Variants in KCTD2 observed in about 807,000 individuals in gnomAD.
KCTD2 encodes the protein BTB/POZ domain-containing protein KCTD2.
Under a neutral mutation model 27.9 loss-of-function variants are expected in KCTD2, and 18 were observed. That is an observed-to-expected ratio of 0.64 (90% CI 0.45 to 0.96). The LOEUF (loss-of-function observed/expected upper bound fraction) is 0.96. Among genes scored for constraint, KCTD2 ranks in the 40% least tolerant of loss-of-function variants. The pLI, the probability that KCTD2 is intolerant of heterozygous loss-of-function variation, is 0.00. For synonymous variants in KCTD2, 175 were observed against 148.4 expected, an observed-to-expected ratio of 1.18 and a Z score of -1.30; for missense variants, 280 against 348.0, an observed-to-expected ratio of 0.80 and a Z score of 1.56.
chr17:75,055,815 G>A (rs8065776), intron 3 of KCTD2, among the ~76,000 whole-genome samples: 88,543 of 149,194 alleles, frequency 0.59, 27,862 homozygotes, highest in African/African-American at 0.8. Flanking sequence ...CTGGGCAACA[G>A]GAGCGAAACT....
At chr17:75,056,283 T>C (rs568981342) in intron 3 of KCTD2, among the ~76,000 whole-genome samples, 1 of 152,362 alleles carries the variant, frequency 6.6e-6, no homozygotes, top group South Asian at 2.1e-4. Context: ...CTTTGCTATC[T>C]TACCTTTACG....
chr17:75,047,435 C>T lies in KCTD2; in HGVS notation c.185C>T (p.Pro62Leu), dbSNP rs754722394. ...CCGCTGGAGCCGGGTCCCGGACCAC[C>T]CGAGCGGGCAGGGGGCGGCGGCGCG... ...AQPLEPGPGP[P>L]ERAGGGGAAR... is the part of the protein sequence containing the mutation. The change falls in exon 1 of 6, where the codon CCC (proline) becomes CTC (leucine). Residue 62 changes from proline to leucine, a missense_variant. By Grantham distance (98) the Pro-to-Leu change is moderately conservative. Coordinates refer to ENST00000322444, the MANE Select transcript of KCTD2 (RefSeq NM_015353.3). The T allele has an allele frequency of 1.4e-6, 2 of 1,457,034 alleles. No individual in the cohort carries two copies. The highest frequency in any genetic ancestry group is 2.7e-5 in the South Asian group (2 of 74,674). 90.3% of individuals were successfully genotyped at this position (1,457,034 alleles called of 1,614,324 possible). A position where few individuals can be genotyped will look rare whatever the true frequency, so the allele number is the denominator to read the frequency against.
At position 75,047,666 on chromosome 17, in the gene KCTD2, G is replaced by C. The variant is rs938382322; in HGVS notation, c.339+77G>C. On this transcript the variant is annotated intron_variant, in intron 1 of 5. Transcript: ENST00000322444. The stretch of plus-strand genomic sequence containing the variant: ...CGTAGATCGGTCCCCAGAGTCCTGA[G>C]ACACGCTCCTCACAGGCAGCCCCCT... 3 of 1,453,936 alleles carry C rather than the reference G, an allele frequency of 2.1e-6. No individual in the cohort carries two copies. In the African/African-American group the frequency reaches 4.4e-5, roughly 21 times the overall value. The allele number at this position is 1,453,936 out of a possible 1,614,324, so 90.1% of individuals were successfully genotyped here.
intron 3 of KCTD2, among the ~76,000 whole-genome samples, chr17:75,038,258 C>T (rs2073122589): frequency 6.6e-6 from 1 of 151,846 alleles, no homozygotes; most frequent in African/African-American, 2.4e-5. Flanking sequence ...CCTCAGCCTC[C>T]CAAGTAGCTG....
chr17:75,051,206 C>T (rs1449537998), intron 2 of KCTD2, among the ~76,000 whole-genome samples: 1 of 151,068 alleles, frequency 6.6e-6, no homozygotes, highest in Admixed American at 6.6e-5. Flanking sequence ...TCTCGATCTC[C>T]TGACCTTGTG....
intron 3 of KCTD2, chr17:75,035,364 A>T (rs2040106583): frequency 6.6e-6 from 1 of 152,090 alleles, no homozygotes; most frequent in Non-Finnish European, 1.5e-5. Flanking sequence ...CAGGGTAAGT[A>T]GGGCCCCATT....
At chr17:75,039,208 C>T in intron 3 of KCTD2, 1 of 1,614,004 alleles carries the variant, frequency 6.2e-7, no homozygotes, top group South Asian at 1.1e-5. Flanking sequence ...ATCATCCTTA[C>T]CTCTTTCTCA....
intron 1 of KCTD2, chr17:75,033,079 C>T (rs1300625905): frequency 6.6e-6 from 1 of 152,178 alleles, no homozygotes; most frequent in East Asian, 1.9e-4. Flanking sequence ...GGCTGAACTT[C>T]TTCTGTTAAA....
chr17:75,061,084 A>G (rs957729495), intron 4 of KCTD2, among the ~76,000 whole-genome samples: 1 of 152,242 alleles, frequency 6.6e-6, no homozygotes, highest in Non-Finnish European at 1.5e-5. Flanking sequence ...TTGTGAAACT[A>G]AAATGAATAA....
At position 75,064,706 on chromosome 17, in the gene KCTD2, A is replaced by T. The variant is rs185527268; in HGVS notation, c.*1659A>T. The T allele has an allele frequency of 2.6e-5, 4 of 152,302 alleles. No individual in the cohort carries two copies. The highest frequency in any genetic ancestry group is 3.9e-4 in the East Asian group (2 of 5,182). The allele number at this position is 152,302 out of a possible 1,614,324, so 9.4% of individuals were successfully genotyped here. ...ACATTTTACAGCTGTAAAGTGTTAG[A>T]TGAACTGCCGTCCTCAGTAAAAGCA... On this transcript the variant is annotated 3_prime_UTR_variant, in exon 6 of 6. Transcript: ENST00000322444.
At chr17:75,036,032 A>G (rs1172257058) in intron 3 of KCTD2, 1 of 454,348 alleles carries the variant, frequency 2.2e-6, no homozygotes, top group Non-Finnish European at 4.4e-6. Flanking sequence ...GACATAGGGG[A>G]GAATAAATGC....
At chr17:75,035,576 T>C (rs945634479) in intron 3 of KCTD2, among the ~76,000 whole-genome samples, 1 of 152,022 alleles carries the variant, frequency 6.6e-6, no homozygotes, top group Non-Finnish European at 1.5e-5. Flanking sequence ...ATCCCAACAC[T>C]TTGGGAGGCT....
At chr17:75,050,072 G>GCT (rs996861685) in intron 2 of KCTD2, among the ~76,000 whole-genome samples, 3 of 152,056 alleles carry the variant, frequency 2.0e-5, no homozygotes, top group African/African-American at 7.3e-5. Context: ...AAGAGGAATT[G>GCT]CTCTCTCTCT....
At chr17:75,044,018 G>A (rs960451521), upstream of KCTD2, among the ~76,000 whole-genome samples, 3 of 143,394 alleles carry the variant, frequency 2.1e-5, no homozygotes, top group African/African-American at 8.3e-5. Context: ...AGCACACGTT[G>A]TGCACTTTTT....
chr17:75,032,800 C>A lies in KCTD2; in HGVS notation c.-470+76C>A, dbSNP rs2144899426. On this transcript the variant is annotated intron_variant, in intron 1 of 7. Coordinates refer to the KCTD2 transcript ENST00000581589. This position sits in a 1 kb window ranked among gnomAD's most constrained non-coding sequence, Gnocchi z 4.8. ...GGCGGCAGCAGGAAAGCAGAGAAGG[C>A]ATCCCTGCAGGTTGGCCCTGGGGCA... 6.6e-6 allele frequency: 1 copy of A among 152,534 alleles called. No homozygotes were observed. Among genetic ancestry groups the A allele is most frequent in the African/African-American group, 2.4e-5 (1 of 41,582 alleles). The allele number at this position is 152,534 out of a possible 1,614,324, so 9.4% of individuals were successfully genotyped here.
intron 3 of KCTD2, among the ~76,000 whole-genome samples, chr17:75,058,258 C>T (rs908497348): frequency 4.0e-5 from 6 of 150,160 alleles, no homozygotes; most frequent in Non-Finnish European, 8.8e-5. Flanking sequence ...ACTCGGGAGG[C>T]GGAGATTGCA....
rs758522700 is a variant in KCTD2 at position 75,039,087 on chromosome 17, A to C, written c.-259+3730A>C. On this transcript the variant is annotated intron_variant, in intron 3 of 7. Coordinates refer to the KCTD2 transcript ENST00000581589. The stretch of plus-strand genomic sequence containing the variant: ...ATCTGGAAAGAGGGGGAATGTGTTT[A>C]GTTAATGTAAACAGAGACGGAAAGC... 40 of 1,613,442 alleles carry C rather than the reference A, an allele frequency of 2.5e-5. No homozygotes were observed. Among genetic ancestry groups the C allele is most frequent in the Non-Finnish European group, 3.3e-5 (39 of 1,179,718 alleles).
intron 4 of KCTD2, chr17:75,060,554 G>T: frequency 6.2e-7 from 1 of 1,612,966 alleles, no homozygotes; most frequent in East Asian, 2.2e-5. Flanking sequence ...CTTCTGTGTT[G>T]TCCTGGTTGA....
rs565344358 is a variant in KCTD2, at chr17:75,038,946, T to C, written c.-259+3589T>C. 18 of 1,612,996 alleles carry C rather than the reference T, an allele frequency of 1.1e-5. No homozygotes were observed. The African/African-American group carries it at 1.7e-4, about 16-fold the overall frequency. The stretch of plus-strand genomic sequence containing the variant: ...TGGACTCAATTTTATAAATTCTCAA[T>C]TGGTTGGTGAGGCCAATAGGGATAC... On this transcript the variant is annotated intron_variant, in intron 3 of 7. Transcript: ENST00000581589.
Sources: allele counts gnomAD v4.1 joint callset (sites outside exome capture counted in the v4.1 genomes callset), GRCh38; gene constraint gnomAD v4.1.1; non-coding constraint Gnocchi (gnomAD v3.1); transcripts MANE v1.5; gene names NCBI Gene and HGNC (gene_info 2026-07-23, HGNC 2026-07-21).